P3H2: variants seen among roughly 807,000 people sequenced by gnomAD.
P3H2 encodes leprecan-like 1.
In P3H2, 80 loss-of-function variants were observed where a neutral mutation model predicts 87.0. The observed-to-expected ratio is 0.92, with a 90% CI of 0.77 to 1.11. The LOEUF (loss-of-function observed/expected upper bound fraction) is 1.11, where lower values mean the gene tolerates loss of function less well. Ranked by LOEUF, P3H2 falls within the 50% of genes least tolerant of loss-of-function variation. P3H2 has a pLI of 0.00. For missense variants in P3H2, 1,001 were observed against 923.9 expected, an observed-to-expected ratio of 1.08 and a Z score of -1.08; for synonymous variants, 367 against 359.3, an observed-to-expected ratio of 1.02 and a Z score of -0.24.
chr3:190,043,282 C>T (rs7651112), intron 1 of P3H2, among the ~76,000 whole-genome samples: 4,492 of 152,124 alleles, frequency 0.03, 200 homozygotes, highest in African/African-American at 0.1. Context: ...ATCCTTTAAG[C>T]GCCAAAGCAA....
At chr3:189,958,154 C>G (rs923860482) in intron 14 of P3H2, 150 bp from the exon 15 acceptor site, 4 of 698,868 alleles carry the variant, frequency 5.7e-6, no homozygotes, top group Non-Finnish European at 1.0e-5. Context: ...CATCCCCAGA[C>G]AGATGCCTTC....
At chr3:190,062,701 G>A (rs1726370301) in intron 1 of P3H2, among the ~76,000 whole-genome samples, 1 of 152,108 alleles carries the variant, frequency 6.6e-6, no homozygotes, top group African/African-American at 2.4e-5. Context: ...CCTTGGGCAA[G>A]TTACTCAATC....
chr3:190,086,399 G>A (rs931242467), intron 1 of P3H2, among the ~76,000 whole-genome samples: 4 of 152,088 alleles, frequency 2.6e-5, no homozygotes, highest in East Asian at 1.9e-4. Context: ...AGTGTTTCCC[G>A]GGGGTAGTTG....
intron 14 of P3H2, among the ~76,000 whole-genome samples, chr3:189,961,372 G>A (rs1722805269): frequency 6.6e-6 from 1 of 152,182 alleles, no homozygotes; most frequent in Non-Finnish European, 1.5e-5. Flanking sequence ...CAATATATAT[G>A]AAGCTTCGAA....
chr3:189,966,259 G>C (rs1308623148), intron 13 of P3H2, among the ~76,000 whole-genome samples: 3 of 152,154 alleles, frequency 2.0e-5, no homozygotes, highest in Non-Finnish European at 4.4e-5. Flanking sequence ...CCACTCCCTG[G>C]TGCTGGTCAG....
intron 1 of P3H2, among the ~76,000 whole-genome samples, chr3:190,103,723 G>C (rs962431404): frequency 2.0e-5 from 3 of 152,098 alleles, no homozygotes; most frequent in Non-Finnish European, 4.4e-5. Flanking sequence ...CCGGTTCACC[G>C]ACTTATGGTT....
intron 1 of P3H2, among the ~76,000 whole-genome samples, chr3:190,015,778 G>A (rs1258701100): frequency 6.6e-6 from 1 of 152,190 alleles, no homozygotes; most frequent in Non-Finnish European, 1.5e-5. Context: ...TTGAACCAGT[G>A]CCCTTGGAGG....
intron 1 of P3H2, among the ~76,000 whole-genome samples, chr3:190,106,133 G>T (rs998322573): frequency 2.0e-5 from 3 of 151,964 alleles, no homozygotes; most frequent in African/African-American, 7.3e-5. Context: ...GAGAAGATTT[G>T]GAATGTGTTT....
At chr3:190,055,999 C>T (rs185179672) in intron 1 of P3H2, among the ~76,000 whole-genome samples, 106 of 152,224 alleles carry the variant, frequency 7.0e-4, no homozygotes, top group Middle Eastern at 3.4e-3. Context: ...TAAGGAAGTA[C>T]TTCACGTTAA....
chr3:189,991,666 G>C (rs937929002), intron 3 of P3H2, among the ~76,000 whole-genome samples: 1 of 152,176 alleles, frequency 6.6e-6, no homozygotes, highest in Non-Finnish European at 1.5e-5. Flanking sequence ...AATAAGCATG[G>C]CATATTTAAG....
intron 1 of P3H2, among the ~76,000 whole-genome samples, chr3:190,002,257 T>C (rs1317621324): frequency 6.6e-6 from 1 of 152,184 alleles, no homozygotes; most frequent in African/African-American, 2.4e-5. Flanking sequence ...GACAAATTTA[T>C]AAAATTAATT....
chr3:190,069,323 C>A (rs1451533800), intron 1 of P3H2, among the ~76,000 whole-genome samples: 1 of 152,082 alleles, frequency 6.6e-6, no homozygotes, highest in Non-Finnish European at 1.5e-5. Context: ...AGTTAACTGA[C>A]CAACCCCACT....
chr3:190,024,789 G>C (rs892730213), intron 1 of P3H2, among the ~76,000 whole-genome samples: 7 of 152,040 alleles, frequency 4.6e-5, no homozygotes, highest in Admixed American at 6.6e-5. Context: ...AGGATTTCAA[G>C]CAAATAATGT....
chr3:189,973,417 T>A (rs1723237594), intron 10 of P3H2, among the ~76,000 whole-genome samples: 1 of 151,908 alleles, frequency 6.6e-6, no homozygotes, highest in African/African-American at 2.4e-5. Flanking sequence ...AACGGAGGAA[T>A]GATTAACTAC....
intron 1 of P3H2, among the ~76,000 whole-genome samples, chr3:190,070,120 A>G (rs984565471): frequency 2.6e-5 from 4 of 152,206 alleles, no homozygotes. Context: ...GATAGTTCCA[A>G]GCATGAAGTC....
intron 14 of P3H2, among the ~76,000 whole-genome samples, chr3:189,961,097 T>A (rs1452145723): frequency 2.0e-5 from 3 of 152,110 alleles, no homozygotes; most frequent in Admixed American, 6.5e-5. Flanking sequence ...TATGCCACCA[T>A]GCCTGGCTAA....
chr3:190,110,500 T>G (rs190141057), intron 1 of P3H2, among the ~76,000 whole-genome samples: 7 of 152,356 alleles, frequency 4.6e-5, no homozygotes, highest in Admixed American at 4.6e-4. Context: ...TGAAAGTCTC[T>G]GTCCCTGGCG....
chr3:190,019,410 A>G (rs1404623021), intron 1 of P3H2, among the ~76,000 whole-genome samples: 1 of 152,216 alleles, frequency 6.6e-6, no homozygotes, highest in Non-Finnish European at 1.5e-5. Context: ...AAAAATTGTC[A>G]AAATATTCAA....
rs1577277070 is a variant in P3H2, at chr3:190,019,877, T to C, written c.481-24435A>G. 1.6e-5 allele frequency among the ~76,000 whole-genome samples: 2 copies of C among 128,292 alleles called. 1 individual carries two copies. Among genetic ancestry groups the C allele is most frequent in the East Asian group, 5.2e-4 (2 of 3,810 alleles). 84.2% of individuals were successfully genotyped at this position (128,292 alleles called of 152,430 possible). A position where few individuals can be genotyped will look rare whatever the true frequency, so the allele number is the denominator to read the frequency against. On this transcript the variant is annotated intron_variant, in intron 1 of 14. Transcript: ENST00000319332. ...TCTATTTAAGTATGTCTTGTCTCCA[T>C]CCTGATGACAAGGACTTGCCATATG...
Sources: allele counts gnomAD v4.1 joint callset (sites outside exome capture counted in the v4.1 genomes callset), GRCh38; gene constraint gnomAD v4.1.1; transcripts MANE v1.5; gene names NCBI Gene and HGNC (gene_info 2026-07-23, HGNC 2026-07-21).